Variants in TENM2 observed in about 807,000 individuals in gnomAD.
The protein encoded by TENM2 is teneurin-2.
In TENM2, 52 loss-of-function variants were observed where a neutral mutation model predicts 245.2. The observed-to-expected ratio is 0.21, with a 90% CI of 0.17 to 0.27. The LOEUF (loss-of-function observed/expected upper bound fraction) is 0.27. TENM2 is among the 10% of genes least tolerant of loss of function. The probability of loss-of-function intolerance (pLI) is 1.00; values close to 1 mark genes in which losing one functional copy is unlikely to be tolerated. For missense variants in TENM2, 3,046 were observed against 3,666.8 expected (o/e 0.83, Z 4.37); for synonymous variants, 1,363 against 1,438.9 (o/e 0.95, Z 1.19).
At chr5:167,336,442 G>A (rs909637035) in intron 1 of TENM2, among the ~76,000 whole-genome samples, 3 of 151,646 alleles carry the variant, frequency 2.0e-5, no homozygotes, top group Admixed American at 6.6e-5. Flanking sequence ...GGAGTGGTGG[G>A]GATGGATACT....
chr5:168,135,355 A>G (rs1383437454), intron 12 of TENM2, among the ~76,000 whole-genome samples: 2 of 152,206 alleles, frequency 1.3e-5, no homozygotes, highest in Non-Finnish European at 2.9e-5. Context: ...AATTGGGTTC[A>G]ATCTTTACCA....
At chr5:167,124,742 A>G in the TENM2 span, among the ~76,000 whole-genome samples, 15 of 152,210 alleles carry the variant, frequency 9.9e-5, no homozygotes, top group African/African-American at 3.4e-4. Context: ...AATGAGGGTC[A>G]TCAATGTCAG....
chr5:167,412,849 T>C (rs916990395), intron 2 of TENM2, among the ~76,000 whole-genome samples: 11 of 148,650 alleles, frequency 7.4e-5, no homozygotes. Context: ...GGGAGATGAG[T>C]GCAGAGTCTG....
chr5:168,038,172 A>G lies in TENM2; in HGVS notation c.1187-9255A>G, dbSNP rs140588809. ...GAGCCTCAATTTCTTCATCTGCAAGATGGGAAAGCATTATATATCTCATAA... is the reference window on the plus strand; with the variant it reads ...GAGCCTCAATTTCTTCATCTGCAAGGTGGGAAAGCATTATATATCTCATAA... On this transcript the variant is annotated intron_variant, in intron 5 of 28. Coordinates refer to ENST00000518659, the Ensembl canonical transcript of TENM2. Among the ~76,000 whole-genome samples the G allele has an allele frequency of 2.9e-3, 446 of 152,310 alleles. 4 individuals are homozygous for G. Among genetic ancestry groups the G allele is most frequent in the African/African-American group, 0.01 (425 of 41,574 alleles).
At chr5:167,175,234 A>G in the TENM2 span, among the ~76,000 whole-genome samples, 1 of 152,334 alleles carries the variant, frequency 6.6e-6, no homozygotes, top group East Asian at 1.9e-4. Context: ...CTGTTTTTCA[A>G]GAAATAGTGC....
At chr5:167,964,336 CAA>C (rs34457837) in intron 4 of TENM2, among the ~76,000 whole-genome samples, 5 of 152,114 alleles carry the variant, frequency 3.3e-5, no homozygotes, top group African/African-American at 9.7e-5. Flanking sequence ...CAGTAGATCA[CAA>C]AAAAGAGTCC....
the TENM2 span, among the ~76,000 whole-genome samples, chr5:167,206,495 T>A: frequency 6.6e-6 from 1 of 152,178 alleles, no homozygotes; most frequent in African/African-American, 2.4e-5. Flanking sequence ...GAAAGATACC[T>A]CAGGCAGGAC....
chr5:167,050,653 C>A, the TENM2 span, among the ~76,000 whole-genome samples: 3 of 152,088 alleles, frequency 2.0e-5, no homozygotes, highest in Non-Finnish European at 4.4e-5. Flanking sequence ...TTATAGGAAT[C>A]CAGCAGAGAG....
intron 4 of TENM2, among the ~76,000 whole-genome samples, chr5:167,959,815 A>AT (rs753534649): frequency 6.6e-6 from 1 of 151,904 alleles, no homozygotes; most frequent in East Asian, 1.9e-4. Flanking sequence ...TTTTTGCGCT[A>AT]TTTTTTCCTC....
At chr5:167,674,525 C>T (rs1177527490) in intron 2 of TENM2, among the ~76,000 whole-genome samples, 1 of 152,030 alleles carries the variant, frequency 6.6e-6, no homozygotes, top group Non-Finnish European at 1.5e-5. Flanking sequence ...GGCAGAATTG[C>T]AGTAAAGGAA....
At chr5:168,005,480 A>C (rs900876781) in intron 5 of TENM2, among the ~76,000 whole-genome samples, 5 of 152,190 alleles carry the variant, frequency 3.3e-5, no homozygotes, top group African/African-American at 7.2e-5. Context: ...ACCCCTCCCC[A>C]AAAACTTTAT....
chr5:167,081,661 G>A, the TENM2 span, among the ~76,000 whole-genome samples: 1 of 152,274 alleles, frequency 6.6e-6, no homozygotes, highest in Non-Finnish European at 1.5e-5. Flanking sequence ...CCTGCTTATT[G>A]AGGGCCTATT....
chr5:167,631,567 T>A (rs1465306618), intron 2 of TENM2, among the ~76,000 whole-genome samples: 2 of 152,064 alleles, frequency 1.3e-5, no homozygotes, highest in Non-Finnish European at 1.5e-5. Flanking sequence ...GTGAGCGAAC[T>A]CATGACTGCT....
At chr5:167,245,748 C>T in the TENM2 span, among the ~76,000 whole-genome samples, 19 of 151,952 alleles carry the variant, frequency 1.3e-4, no homozygotes, top group African/African-American at 1.9e-4. Context: ...TATATTCAGG[C>T]GCAAAAGCAA....
At chr5:167,446,648 C>T (rs1159718584) in intron 2 of TENM2, among the ~76,000 whole-genome samples, 3 of 151,888 alleles carry the variant, frequency 2.0e-5, no homozygotes, top group Non-Finnish European at 4.4e-5. Flanking sequence ...TGAATACCTT[C>T]AAACATGCAA....
At chr5:167,437,865 C>G (rs6880579) in intron 2 of TENM2, among the ~76,000 whole-genome samples, 1 of 152,066 alleles carries the variant, frequency 6.6e-6, no homozygotes, top group African/African-American at 2.4e-5. Context: ...TCCGCAGCCA[C>G]GTGGAACTGG....
At chr5:167,015,498 G>T in the TENM2 span, among the ~76,000 whole-genome samples, 3 of 152,160 alleles carry the variant, frequency 2.0e-5, no homozygotes, top group East Asian at 5.8e-4. Flanking sequence ...TATATTTTTG[G>T]TATGTTTATT....
chr5:167,520,511 C>G (rs1266596948), intron 2 of TENM2, among the ~76,000 whole-genome samples: 1 of 152,036 alleles, frequency 6.6e-6, no homozygotes, highest in African/African-American at 2.4e-5. Context: ...TCATAATGCA[C>G]AGAAACCAGT....
chr5:168,263,367 C>T (rs992646194), downstream of TENM2: 3 of 152,800 alleles, frequency 2.0e-5, no homozygotes, highest in African/African-American at 7.3e-5. Flanking sequence ...ATACTTCTGA[C>T]ATTTTCGTTT....
Sources: allele counts gnomAD v4.1 joint callset (sites outside exome capture counted in the v4.1 genomes callset), GRCh38; gene constraint gnomAD v4.1.1; transcripts MANE v1.5; gene names NCBI Gene and HGNC (gene_info 2026-07-23, HGNC 2026-07-21).